The following SLC39A11 variants were observed in gnomAD, a reference collection of about 807,000 sequenced individuals.
SLC39A11 encodes the protein solute carrier family 39 member 11, also known as zinc transporter ZIP11.
Under a neutral mutation model 36.1 loss-of-function variants are expected in SLC39A11, and 33 were observed. The ratio of observed to expected loss-of-function variants is 0.91; its 90% CI spans 0.69 to 1.22. SLC39A11 has a LOEUF of 1.22. SLC39A11 is among the 50% of genes most tolerant of loss of function. The probability of loss-of-function intolerance (pLI) is 0.00; values close to 1 mark genes in which losing one functional copy is unlikely to be tolerated. For synonymous variants in SLC39A11, 166 were observed against 170.3 expected, an observed-to-expected ratio of 0.97 and a Z score of 0.20; for missense variants, 432 against 430.3, an observed-to-expected ratio of 1.00 and a Z score of -0.03.
chr17:72,972,154 A>G (rs531387281), intron 4 of SLC39A11, among the ~76,000 whole-genome samples: 8 of 152,362 alleles, frequency 5.3e-5, no homozygotes, highest in Admixed American at 5.2e-4. Flanking sequence ...AAATAAGTGA[A>G]TAAAAGCATA....
chr17:73,024,513 T>A (rs1331067355), intron 4 of SLC39A11, among the ~76,000 whole-genome samples: 10 of 152,220 alleles, frequency 6.6e-5, no homozygotes, highest in Admixed American at 6.5e-4. Context: ...CCCTAAGATA[T>A]TCTTTCGTGA....
intron 6 of SLC39A11, among the ~76,000 whole-genome samples, chr17:72,793,641 G>A (rs1006151500): frequency 1.3e-5 from 2 of 151,990 alleles, no homozygotes; most frequent in Non-Finnish European, 2.9e-5. Flanking sequence ...TGTTACCCAG[G>A]CTGGTCTCAA....
chr17:72,661,188 A>G (rs2070400172), intron 7 of SLC39A11, among the ~76,000 whole-genome samples: 1 of 152,100 alleles, frequency 6.6e-6, no homozygotes, highest in South Asian at 2.1e-4. Flanking sequence ...CTCAAAGCTC[A>G]CTGTTGCACA....
At chr17:72,684,583 T>C (rs1024626527) in intron 7 of SLC39A11, among the ~76,000 whole-genome samples, 3 of 152,182 alleles carry the variant, frequency 2.0e-5, no homozygotes, top group African/African-American at 7.2e-5. Flanking sequence ...ACTCCCCAGA[T>C]CAAGGGACCT....
chr17:72,927,040 C>G (rs139548486), intron 5 of SLC39A11, among the ~76,000 whole-genome samples: 36 of 152,188 alleles, frequency 2.4e-4, no homozygotes, highest in African/African-American at 8.7e-4. Flanking sequence ...GTTGCCCAGT[C>G]CTGGATTTGT....
At chr17:72,703,722 A>C (rs775431414) in intron 7 of SLC39A11, among the ~76,000 whole-genome samples, 8 of 152,248 alleles carry the variant, frequency 5.3e-5, no homozygotes, top group Non-Finnish European at 1.0e-4. Flanking sequence ...AAGAACCTGA[A>C]TGAACATAGG....
chr17:72,905,668 G>A (rs113463141), intron 5 of SLC39A11, among the ~76,000 whole-genome samples: 14,722 of 151,122 alleles, frequency 0.097, 1,091 homozygotes, highest in African/African-American at 0.21. Context: ...CTCAGCTCAC[G>A]GCAGCCTTAA....
At chr17:72,771,487 G>A (rs1330431604) in intron 6 of SLC39A11, among the ~76,000 whole-genome samples, 1 of 152,138 alleles carries the variant, frequency 6.6e-6, no homozygotes, top group Admixed American at 6.5e-5. Context: ...GAAATGGGGG[G>A]GTTACAGCAT....
At chr17:72,924,758 C>T (rs1451437156) in intron 5 of SLC39A11, among the ~76,000 whole-genome samples, 2 of 152,124 alleles carry the variant, frequency 1.3e-5, no homozygotes, top group East Asian at 3.9e-4. Flanking sequence ...AATCCCAGCA[C>T]CTTGGGAGGC....
chr17:73,087,031 G>A (rs1003110723), intron 2 of SLC39A11, among the ~76,000 whole-genome samples: 1 of 151,796 alleles, frequency 6.6e-6, no homozygotes, highest in African/African-American at 2.4e-5. Flanking sequence ...ACTCCAGCCT[G>A]GGTGACAGAG....
chr17:72,688,463 C>G (rs4625760), intron 7 of SLC39A11, among the ~76,000 whole-genome samples: 1 of 152,076 alleles, frequency 6.6e-6, no homozygotes, highest in Non-Finnish European at 1.5e-5. Flanking sequence ...CAGGCCATAC[C>G]ATGTGTGCCT....
Position 72,930,468 on chromosome 17 carries a change from G to A in SLC39A11, c.430+17284C>T, listed in dbSNP as rs528704367. Among the ~76,000 whole-genome samples, 11 of 152,280 alleles carry A rather than the reference G, an allele frequency of 7.2e-5. No homozygotes were observed. The South Asian group carries it at 2.1e-3, about 29-fold the overall frequency. On this transcript the variant is annotated intron_variant, in intron 5 of 9. Transcript: ENST00000255559. ...CTGAGACAGGTCTACGGCAGCAAAG[G>A]GAAGAGCAGCACCATTAAGAATCCT...
At chr17:72,750,188 C>T (rs1298906188) in intron 6 of SLC39A11, among the ~76,000 whole-genome samples, 1 of 152,174 alleles carries the variant, frequency 6.6e-6, no homozygotes, top group African/African-American at 2.4e-5. Context: ...GTCTCACATC[C>T]CCAGGAAGTG....
chr17:73,024,944 G>A (rs2058483013), intron 4 of SLC39A11, among the ~76,000 whole-genome samples: 1 of 136,570 alleles, frequency 7.3e-6, no homozygotes, highest in Admixed American at 8.8e-5. Flanking sequence ...TTGAACTCCT[G>A]ACCTCAACTG....
rs2082283610 is a variant in SLC39A11, at chr17:72,900,148, GAAAGAAAAGAAAGAAAGAAAGAAAGAAA to G, written c.430+47576_430+47603del. On this transcript the variant is annotated intron_variant, in intron 5 of 9. Transcript: ENST00000255559. ...AAAGAAAGAAAGAAAGAAAAAGAAAGAAAGAAAAGAAAGAAAGAAAGAAAGAAAGAAAGAAAGAAAGAAAGAAAGAAAG... is the reference window on the plus strand; with the variant it reads ...AAAGAAAGAAAGAAAGAAAAAGAAAGGAAAGAAAGAAAGAAAGAAAGAAAG... Among the ~76,000 whole-genome samples, 53 of 96,634 alleles carry G rather than the reference GAAAGAAAAGAAAGAAAGAAAGAAAGAAA, an allele frequency of 5.5e-4. 1 individual carries two copies. The highest frequency in any genetic ancestry group is 2.2e-3 in the African/African-American group (50 of 22,878). 63.4% of individuals were successfully genotyped at this position (96,634 alleles called of 152,430 possible). A position where few individuals can be genotyped will look rare whatever the true frequency, so the allele number is the denominator to read the frequency against.
At chr17:73,045,155 G>C (rs1293016259) in intron 3 of SLC39A11, among the ~76,000 whole-genome samples, 1 of 151,902 alleles carries the variant, frequency 6.6e-6, no homozygotes, top group Non-Finnish European at 1.5e-5. Flanking sequence ...CTAAGTACCT[G>C]ACAAGGCCCA....
chr17:72,900,941 A>G (rs1387155901), intron 5 of SLC39A11, among the ~76,000 whole-genome samples: 1 of 150,808 alleles, frequency 6.6e-6, no homozygotes, highest in East Asian at 2.0e-4. Flanking sequence ...GGTCACCTGC[A>G]TGCCTGTGCC....
chr17:72,884,159 AAAAG>A (rs113091239), intron 5 of SLC39A11, among the ~76,000 whole-genome samples: 5,730 of 152,046 alleles, frequency 0.038, 368 homozygotes, highest in African/African-American at 0.12. Flanking sequence ...GTCTCCAAAA[AAAAG>A]AAAGAAAGAA....
chr17:72,988,364 G>A (rs903167839), intron 4 of SLC39A11, among the ~76,000 whole-genome samples: 2 of 152,168 alleles, frequency 1.3e-5, no homozygotes, highest in Non-Finnish European at 2.9e-5. Context: ...TGGAGGCTGA[G>A]GCATGAGAAT....
Sources: gnomAD v4.1 joint callset for allele counts (sites outside exome capture counted in the v4.1 genomes callset) on GRCh38, gnomAD v4.1.1 for gene constraint, MANE v1.5 for transcripts, NCBI Gene and HGNC (gene_info 2026-07-23, HGNC 2026-07-21) for gene names.